Variants in WDCP observed in about 807,000 individuals in gnomAD.
WDCP encodes the protein WD repeat and coiled coil containing.
In WDCP, 19 loss-of-function variants were observed where a neutral mutation model predicts 41.6. The ratio of observed to expected loss-of-function variants is 0.46; its 90% CI spans 0.32 to 0.67. The LOEUF is 0.67. Ranked by LOEUF, WDCP falls within the 30% of genes least tolerant of loss-of-function variation. The pLI, the probability that WDCP is intolerant of heterozygous loss-of-function variation, is 0.04. For missense variants in WDCP, 802 were observed against 850.7 expected (o/e 0.94, Z 0.71); for synonymous variants, 302 against 320.8 (o/e 0.94, Z 0.63).
rs1663060771 is a variant in WDCP, at chr2:24,030,114, T to C, written c.*819A>G. ...GACTACTGGGAGAAAAATAGGAAAG[T>C]TGCGTGATCCCAAAACTGGATTTAA... On this transcript the variant is annotated 3_prime_UTR_variant, in exon 4 of 4. Transcript: ENST00000295148. 6.6e-6 allele frequency: 1 copy of C among 152,052 alleles called. No homozygotes were observed. Among genetic ancestry groups the C allele is most frequent in the South Asian group, 2.1e-4 (1 of 4,806 alleles). The allele number at this position is 152,052 out of a possible 1,614,324, so 9.4% of individuals were successfully genotyped here.
intron 1 of WDCP, among the ~76,000 whole-genome samples, chr2:24,041,557 A>T (rs1281360697): frequency 1.3e-5 from 2 of 152,060 alleles, no homozygotes; most frequent in East Asian, 3.9e-4. Flanking sequence ...GCTCATAGGC[A>T]TGAGCCACCC....
chr2:24,038,810 A>C lies in WDCP; in HGVS notation c.685T>G (p.Cys229Gly). Residue 229 changes from cysteine to glycine, a missense_variant, in exon 2 of 4, where the codon TGT (cysteine) becomes GGT (glycine). By Grantham distance (159) the Cys-to-Gly change is radical. Around this residue, in one of 5 missense-constraint regions of WDCP, gnomAD observed 247 missense variants for 240.5 expected, o/e 1.03. Transcript: ENST00000295148. ...AAGGTTTCAGATGCATTTAAGCCAC[A>C]GATCTTATCCAATGGAAGCTCAGTA... ...IATELPLDKI[C>G]GLNASETFNI... The C allele has an allele frequency of 6.2e-7, 1 of 1,614,228 alleles. No homozygotes were observed. Among genetic ancestry groups the C allele is most frequent in the Non-Finnish European group, 8.5e-7 (1 of 1,180,026 alleles).
intron 2 of WDCP, among the ~76,000 whole-genome samples, chr2:24,035,228 G>C (rs912425293): frequency 6.6e-5 from 10 of 151,692 alleles, no homozygotes; most frequent in African/African-American, 2.4e-4. Flanking sequence ...TGGAAAAAAA[G>C]ATGAAAAAAG....
Position 24,030,821 on chromosome 2 carries a change from A to C in WDCP, c.*112T>G. ...GGAAACCAGGAGAGCCGACCATGGC[A>C]AGCGCTTCGCCTGAGTGCAGTGGGA... On this transcript the variant is annotated 3_prime_UTR_variant, in exon 4 of 4. Coordinates refer to ENST00000295148, the MANE Select transcript of WDCP (RefSeq NM_025203.3). The C allele has an allele frequency of 1.3e-6, 1 of 792,592 alleles. No individual in the cohort carries two copies. Among genetic ancestry groups the C allele is most frequent in the Non-Finnish European group, 2.0e-6 (1 of 490,422 alleles). The allele number at this position is 792,592 out of a possible 1,614,324, so 49.1% of individuals were successfully genotyped here.
rs773013311 is a variant in WDCP, at chr2:24,037,783, A to T, written c.1712T>A (p.Met571Lys). The change falls in exon 2 of 4, where the codon ATG (methionine) becomes AAG (lysine). Residue 571 changes from methionine (M) to lysine (K), a missense_variant. By Grantham distance (95) the Met-to-Lys change is moderately conservative (BLOSUM62 -1). Coordinates refer to ENST00000295148, the MANE Select transcript of WDCP (RefSeq NM_025203.3). ...TGTAAGTTCAGAAAGACACCGTTGC[A>T]TTTCAACCAGGTTCCTAGATAAAAT... ...VEILSRNLVE[M>K]QRCLSELTNR... The T allele has an allele frequency of 6.2e-7, 1 of 1,614,260 alleles. No individual in the cohort carries two copies. The highest frequency in any genetic ancestry group is 1.7e-5 in the Admixed American group (1 of 60,032).
chr2:24,033,552 G>A (rs1311595287), intron 2 of WDCP, among the ~76,000 whole-genome samples: 4 of 152,098 alleles, frequency 2.6e-5, no homozygotes, highest in African/African-American at 9.7e-5. Flanking sequence ...ACCAGCCTGG[G>A]CAATATGGCA....
At position 24,029,659 on chromosome 2, in the gene WDCP, T is replaced by C. The variant is rs1663054229; in HGVS notation, c.*1274A>G. The C allele has an allele frequency of 6.6e-6, 1 of 152,194 alleles. No homozygotes were observed. Among genetic ancestry groups the C allele is most frequent in the South Asian group, 2.1e-4 (1 of 4,826 alleles). 9.4% of individuals were successfully genotyped at this position (152,194 alleles called of 1,614,324 possible). Reference sequence around the variant, plus strand: ...CTTCTTTCCTAACCCAGCTCCATCTTGGTAAACTGTAACAGACAGACAGGA... The same window carrying C: ...CTTCTTTCCTAACCCAGCTCCATCTCGGTAAACTGTAACAGACAGACAGGA... On this transcript the variant is annotated 3_prime_UTR_variant, in exon 4 of 4. Transcript: ENST00000295148.
chr2:24,030,973 T>G lies in WDCP; in HGVS notation c.2126A>C (p.Asp709Ala). Reference protein sequence around the residue: ...VFTGLAAPSLDTTGCCNHVDG... With the variant: ...VFTGLAAPSLATTGCCNHVDG... ...TACATGGTTACAACAGCCAGTGGTATCTAAACTGGGGGCAGCAAGGCCTGT... is the reference window on the plus strand; with the variant it reads ...TACATGGTTACAACAGCCAGTGGTAGCTAAACTGGGGGCAGCAAGGCCTGT... The change falls in exon 4 of 4, where the codon GAT becomes GCT. Residue 709 changes from aspartate (D) to alanine (A), a missense_variant. Physicochemically the swap from Asp to Ala is moderately radical, Grantham distance 126 (BLOSUM62 -2). Around this residue, in one of 5 missense-constraint regions of WDCP, gnomAD observed 321 missense variants for 305.1 expected, o/e 1.05. Transcript: ENST00000295148. 5 of 1,614,194 alleles carry G rather than the reference T, an allele frequency of 3.1e-6. No homozygotes were observed. Among genetic ancestry groups the G allele is most frequent in the Non-Finnish European group, 4.2e-6 (5 of 1,180,042 alleles).
intron 2 of WDCP, among the ~76,000 whole-genome samples, chr2:24,035,280 T>G (rs1663209566): frequency 6.6e-6 from 1 of 151,858 alleles, no homozygotes; most frequent in Non-Finnish European, 1.5e-5. Context: ...GGACATACTA[T>G]TAAATGGAAA....
rs1235354343 is a variant in WDCP at position 24,037,994 on chromosome 2, T to G, written c.1501A>C (p.Ser501Arg). 1 of 1,614,074 alleles carries G rather than the reference T, an allele frequency of 6.2e-7. No homozygotes were observed. The highest frequency in any genetic ancestry group is 2.2e-5 in the East Asian group (1 of 44,904). ...PGRTLIKEIQ[S>R]PLSSICDGSI... ...CCATCACAGATACTAGACAGAGGAC[T>G]CTGGATTTCTTTAATAAGTGTTCTT... Residue 501 changes from serine to arginine, a missense_variant, in exon 2 of 4, where the codon AGT (serine) becomes CGT (arginine). Ser to Arg is a moderately radical substitution (Grantham distance 110). Coordinates refer to ENST00000295148, the MANE Select transcript of WDCP (RefSeq NM_025203.3).
intron 1 of WDCP, among the ~76,000 whole-genome samples, chr2:24,040,819 C>G (rs1329639423): frequency 6.6e-6 from 1 of 151,940 alleles, no homozygotes; most frequent in Admixed American, 6.6e-5. Flanking sequence ...GAGTTCGATC[C>G]CAGCCTGACC....
intron 1 of WDCP, among the ~76,000 whole-genome samples, chr2:24,040,635 TA>T (rs1340773815): frequency 6.6e-6 from 1 of 152,268 alleles, no homozygotes; most frequent in African/African-American, 2.4e-5. Context: ...AATAATCTTT[TA>T]AAATAATGTA....
At chr2:24,036,260 C>T (rs1320541003) in intron 2 of WDCP, among the ~76,000 whole-genome samples, 1 of 151,272 alleles carries the variant, frequency 6.6e-6, no homozygotes, top group Non-Finnish European at 1.5e-5. Context: ...AATCCCAGCA[C>T]TTTGGGAGGC....
intron 1 of WDCP, among the ~76,000 whole-genome samples, chr2:24,044,582 T>C (rs894570251): frequency 6.6e-6 from 1 of 152,124 alleles, no homozygotes; most frequent in Non-Finnish European, 1.5e-5. Context: ...CTGAGGTTTT[T>C]AGAAGAATGA....
intron 2 of WDCP, 55 bp downstream of exon 2, chr2:24,037,622 T>G: frequency 6.6e-7 from 1 of 1,507,044 alleles, no homozygotes; most frequent in Non-Finnish European, 8.9e-7. Context: ...CTTGCAGTAC[T>G]CACCGGCTGC....
intron 2 of WDCP, chr2:24,033,266 A>C (rs973015942): frequency 1.0e-5 from 5 of 477,204 alleles, no homozygotes; most frequent in Non-Finnish European, 2.1e-5. Flanking sequence ...CGGTAAGAAC[A>C]CCTTCTTGGC....
chr2:24,044,604 G>C (rs1663554354), intron 1 of WDCP, among the ~76,000 whole-genome samples: 1 of 152,056 alleles, frequency 6.6e-6, no homozygotes, highest in Admixed American at 6.6e-5. Context: ...TTTTAATATT[G>C]TCATCTTCGG....
At chr2:24,033,008 A>C (rs1663143218) in intron 2 of WDCP, 62 bp from the exon 3 acceptor site, 1 of 1,056,210 alleles carries the variant, frequency 9.5e-7, no homozygotes, top group Non-Finnish European at 1.5e-6. Flanking sequence ...AACATTTCTT[A>C]AGAAAGGAAT....
At chr2:24,031,357 G>GA (rs761728877) in intron 3 of WDCP, among the ~76,000 whole-genome samples, 195 bp from the exon 4 acceptor site, 1 of 152,074 alleles carries the variant, frequency 6.6e-6, no homozygotes, top group Non-Finnish European at 1.5e-5. Flanking sequence ...AGAAAAAGGG[G>GA]AAAAAATGAA....
Sources: gnomAD v4.1 joint callset for allele counts (sites outside exome capture counted in the v4.1 genomes callset) on GRCh38, gnomAD v4.1.1 for gene constraint, gnomAD v4.1.1 regional missense constraint, MANE v1.5 for transcripts, NCBI Gene and HGNC (gene_info 2026-07-23, HGNC 2026-07-21) for gene names.